MBD5: variants seen among roughly 807,000 people sequenced by gnomAD.
The protein encoded by MBD5 is methyl-CpG-binding domain protein 5.
MBD5 carries 13 observed loss-of-function variants against 117.3 expected under a neutral mutation model. The observed-to-expected ratio is 0.11, with a 90% CI of 0.07 to 0.18. The LOEUF (loss-of-function observed/expected upper bound fraction) is 0.18, where lower values mean the gene tolerates loss of function less well. MBD5 is among the 10% of genes least tolerant of loss of function. The pLI is 1.00. For missense variants in MBD5, 1,879 were observed against 2,093.8 expected (o/e 0.90, Z 2.00); for synonymous variants, 727 against 766.4 (o/e 0.95, Z 0.85).
intron 1 of MBD5, among the ~76,000 whole-genome samples, chr2:148,060,184 C>CTATA (rs1694992700): frequency 1.5e-5 from 2 of 129,100 alleles, no homozygotes; most frequent in Admixed American, 1.8e-4. Context: ...TGGTGCAGGC[C>CTATA]TATAGTCCCA....
At chr2:148,108,094 C>T (rs1190653291) in intron 1 of MBD5, among the ~76,000 whole-genome samples, 1 of 148,394 alleles carries the variant, frequency 6.7e-6, no homozygotes, top group African/African-American at 2.4e-5. Flanking sequence ...TTCCAAACTT[C>T]TGTACAGCCA....
intron 4 of MBD5, among the ~76,000 whole-genome samples, chr2:148,377,087 T>A (rs762218594): frequency 2.8e-4 from 42 of 149,866 alleles, no homozygotes; most frequent in Non-Finnish European, 5.6e-4. Context: ...TAAAGGGGAG[T>A]TTATTAAGTA....
intron 12 of MBD5, among the ~76,000 whole-genome samples, chr2:148,503,437 T>C (rs960012826): frequency 2.0e-5 from 3 of 152,190 alleles, no homozygotes; most frequent in African/African-American, 7.2e-5. Flanking sequence ...TGATTCGTAG[T>C]GTATCTTGCA....
At chr2:148,069,712 G>T (rs763462425) in intron 1 of MBD5, among the ~76,000 whole-genome samples, 6 of 151,964 alleles carry the variant, frequency 3.9e-5, no homozygotes, top group Non-Finnish European at 8.8e-5. Context: ...AAAGGACAAA[G>T]GTGGACTCTC....
At chr2:148,341,655 A>G (rs1702949296) in intron 3 of MBD5, among the ~76,000 whole-genome samples, 1 of 151,846 alleles carries the variant, frequency 6.6e-6, no homozygotes, top group East Asian at 1.9e-4. Flanking sequence ...AGACTGGCAA[A>G]CTTCTTTTAA....
chr2:148,381,132 A>C (rs1473499957), intron 4 of MBD5, among the ~76,000 whole-genome samples: 1 of 152,208 alleles, frequency 6.6e-6, no homozygotes, highest in Non-Finnish European at 1.5e-5. Context: ...GACTTTGACA[A>C]ATTGAGAGAG....
Position 148,265,057 on chromosome 2 carries a change from A to G in MBD5, c.-680+31662A>G, listed in dbSNP as rs942864707. 5 of 113,566 alleles carry G rather than the reference A, an allele frequency of 4.4e-5. No individual in the cohort carries two copies. The Admixed American group carries it at 4.5e-4, about 10-fold the overall frequency. 7.0% of individuals were successfully genotyped at this position (113,566 alleles called of 1,614,324 possible). ...GTCATTTACACGTATGTGTGCATGTAGACACACGCACACACACACACACAC... is the reference window on the plus strand; with the variant it reads ...GTCATTTACACGTATGTGTGCATGTGGACACACGCACACACACACACACAC... On this transcript the variant is annotated intron_variant, in intron 3 of 13. Coordinates refer to ENST00000642680, the MANE Select transcript of MBD5 (RefSeq NM_001378120.1).
At chr2:148,307,138 A>G (rs1701912835) in intron 3 of MBD5, among the ~76,000 whole-genome samples, 1 of 152,190 alleles carries the variant, frequency 6.6e-6, no homozygotes. Flanking sequence ...TTATTTAACC[A>G]AAGTAATTAT....
intron 4 of MBD5, among the ~76,000 whole-genome samples, chr2:148,350,394 A>G (rs1017089937): frequency 8.6e-5 from 13 of 152,034 alleles, no homozygotes; most frequent in African/African-American, 3.1e-4. Context: ...TTCATTTATA[A>G]AAAGATATTC....
rs189085656 is a variant in MBD5, at chr2:148,431,895, T to A, written c.-556-26308T>A. Among the ~76,000 whole-genome samples, 33 of 152,280 alleles carry A rather than the reference T, an allele frequency of 2.2e-4. No individual in the cohort carries two copies. The East Asian group carries it at 6.2e-3, about 28-fold the overall frequency. ...AATGATTTATATTTCTTTGGTTGTATACCCCAAAATGGAATTGCTGGGTGG... is the reference window on the plus strand; with the variant it reads ...AATGATTTATATTTCTTTGGTTGTAAACCCCAAAATGGAATTGCTGGGTGG... On this transcript the variant is annotated intron_variant, in intron 4 of 13. Coordinates refer to ENST00000642680, the MANE Select transcript of MBD5 (RefSeq NM_001378120.1).
intron 4 of MBD5, among the ~76,000 whole-genome samples, chr2:148,380,236 T>A (rs1358483993): frequency 1.3e-5 from 2 of 152,154 alleles, no homozygotes; most frequent in Non-Finnish European, 2.9e-5. Context: ...AAAATTCAAT[T>A]AAATTAAAGG....
At chr2:148,275,824 T>C (rs1057228976) in intron 3 of MBD5, among the ~76,000 whole-genome samples, 1 of 152,118 alleles carries the variant, frequency 6.6e-6, no homozygotes, top group Non-Finnish European at 1.5e-5. Flanking sequence ...CTAGGAGAAT[T>C]TGTCAAAACA....
At chr2:148,154,287 G>A (rs540925785) in intron 1 of MBD5, among the ~76,000 whole-genome samples, 2,024 of 152,162 alleles carry the variant, frequency 0.013, 45 homozygotes, top group African/African-American at 0.043. Flanking sequence ...CAGTCTGCCC[G>A]TTCTCAGATC....
At chr2:148,180,067 A>T (rs575703738) in intron 2 of MBD5, among the ~76,000 whole-genome samples, 7 of 151,716 alleles carry the variant, frequency 4.6e-5, no homozygotes, top group Middle Eastern at 3.4e-3. Context: ...TTAGAGTGCA[A>T]GTATTTAGAG....
intron 1 of MBD5, among the ~76,000 whole-genome samples, chr2:148,073,036 C>G (rs556047661): frequency 9.9e-5 from 15 of 152,264 alleles, no homozygotes; most frequent in Admixed American, 3.9e-4. Context: ...CCCTCCACCC[C>G]ACCCCACCAC....
intron 4 of MBD5, among the ~76,000 whole-genome samples, chr2:148,408,970 A>G (rs916285137): frequency 3.3e-5 from 5 of 152,176 alleles, no homozygotes; most frequent in African/African-American, 1.2e-4. Context: ...GGCAAATACT[A>G]TGTAATTTTA....
chr2:148,378,848 T>G (rs1704057564), intron 4 of MBD5, among the ~76,000 whole-genome samples: 1 of 152,098 alleles, frequency 6.6e-6, no homozygotes, highest in African/African-American at 2.4e-5. Context: ...GTTATTGGCT[T>G]TCCATTGACC....
intron 3 of MBD5, among the ~76,000 whole-genome samples, chr2:148,303,266 T>G (rs746810614): frequency 6.6e-6 from 1 of 152,204 alleles, no homozygotes; most frequent in African/African-American, 2.4e-5. Context: ...AGAATAAGGT[T>G]GCCCTGCCAG....
At chr2:148,139,653 C>A (rs1237532616) in intron 1 of MBD5, among the ~76,000 whole-genome samples, 1 of 152,128 alleles carries the variant, frequency 6.6e-6, no homozygotes, top group Non-Finnish European at 1.5e-5. Flanking sequence ...TGTCCACTCT[C>A]CCCAGACAAC....
Sources: allele counts gnomAD v4.1 joint callset (sites outside exome capture counted in the v4.1 genomes callset), GRCh38; gene constraint gnomAD v4.1.1; transcripts MANE v1.5; gene names NCBI Gene and HGNC (gene_info 2026-07-23, HGNC 2026-07-21).